The following ARSA variants were observed in gnomAD, a reference collection of about 807,000 sequenced individuals.
ARSA encodes the protein arylsulfatase A, also known as cerebroside-sulfatase.
Under a neutral mutation model 37.8 loss-of-function variants are expected in ARSA, and 32 were observed. That is an observed-to-expected ratio of 0.85 (90% CI 0.64 to 1.14). ARSA has a LOEUF of 1.14. Among genes scored for constraint, ARSA ranks in the 50% most tolerant of loss-of-function variants. The pLI, the probability that ARSA is intolerant of heterozygous loss-of-function variation, is 0.00. For missense variants in ARSA, 685 were observed against 686.3 expected, an observed-to-expected ratio of 1.00 and a Z score of 0.02; for synonymous variants, 303 against 303.4, an observed-to-expected ratio of 1.00 and a Z score of 0.01.
chr22:50,627,135 G>A lies in ARSA; in HGVS notation c.465+31C>T, dbSNP rs770479607. 1.9e-6 allele frequency: 3 copies of A among 1,597,764 alleles called. No homozygotes were observed. The South Asian group carries it at 3.3e-5, about 18-fold the overall frequency. Reference sequence around the variant, plus strand: ...AGGGCTGGGGGACTTTGGGAGGTGGGAGGGTGGCTGAGGGCCCGGGTGGTT... The same window carrying A: ...AGGGCTGGGGGACTTTGGGAGGTGGAAGGGTGGCTGAGGGCCCGGGTGGTT... On this transcript the variant is annotated intron_variant, in intron 2 of 7. Coordinates refer to ENST00000216124, the MANE Select transcript of ARSA (RefSeq NM_000487.6).
At position 50,627,678 on chromosome 22, in the gene ARSA, G is replaced by T; in HGVS notation, c.102C>A (p.Gly34=). Reference sequence around the variant, plus strand: ...GCCCATAGCAGCCCAGGTCCCCATAGCCGAGGTCGTCGGCAAAGATCAGCA... The same window carrying T: ...GCCCATAGCAGCCCAGGTCCCCATATCCGAGGTCGTCGGCAAAGATCAGCA... ...NIVLIFADDL[G]YGDLGCYGHP... The change falls in exon 1 of 8, where the codon GGC becomes GGA. Residue 34 remains glycine, a synonymous_variant. Coordinates refer to ENST00000216124, the MANE Select transcript of ARSA (RefSeq NM_000487.6). The T allele has an allele frequency of 6.4e-7, 1 of 1,558,118 alleles. No individual in the cohort carries two copies. Among genetic ancestry groups the T allele is most frequent in the Non-Finnish European group, 8.7e-7 (1 of 1,150,706 alleles).
intron 4 of ARSA, 141 bp downstream of exon 4, chr22:50,626,450 A>G: frequency 2.0e-6 from 3 of 1,481,918 alleles, no homozygotes; most frequent in Middle Eastern, 2.2e-4. Context: ...TCTCCTGACT[A>G]CACCTTGGGC....
rs5770953 is a variant in ARSA, at chr22:50,624,510, C to T, written c.*635G>A. ...GAGGGTGGAGGGGCCCCAGAGGAGC[C>T]GTCTCAGGGCCTGCTGCTGTGCCTT... On this transcript the variant is annotated 3_prime_UTR_variant, in exon 8 of 8. Coordinates refer to ENST00000216124, the MANE Select transcript of ARSA (RefSeq NM_000487.6). Among the ~76,000 whole-genome samples, 44,641 of 152,008 alleles carry T rather than the reference C, an allele frequency of 0.29. 7,163 individuals are homozygous for T. The highest frequency in any genetic ancestry group is 0.41 in the African/African-American group (17,176 of 41,440).
In ARSA at chr22:50,624,487, G is replaced by A. The variant is rs1301574500; in HGVS notation, c.*658C>T. On this transcript the variant is annotated 3_prime_UTR_variant, in exon 8 of 8. Coordinates refer to ENST00000216124, the MANE Select transcript of ARSA (RefSeq NM_000487.6). ...ACAGGTGAAATGCAGAGGCCTGGGA[G>A]GGTGGAGGGGCCCCAGAGGAGCCGT... 2.0e-5 allele frequency among the ~76,000 whole-genome samples: 3 copies of A among 152,164 alleles called. No individual in the cohort carries two copies. The East Asian group carries it at 5.8e-4, about 29-fold the overall frequency.
chr22:50,627,276 G>C lies in ARSA; in HGVS notation c.355C>G (p.Leu119Val), dbSNP rs1569081347. The C allele has an allele frequency of 2.5e-6, 4 of 1,594,420 alleles. No individual in the cohort carries two copies. In the African/African-American group the frequency reaches 4.0e-5, roughly 16 times the overall value. The change falls in exon 2 of 8, where the codon CTC becomes GTC. Residue 119 changes from leucine (L) to valine (V), a missense_variant. Transcript: ENST00000216124. ...VAEVLAARGY[L>V]TGMAGKWHLG... ...TGCCACTTGCCGGCCATTCCTGTGA[G>C]GTAGCCTCGGGCAGCCAGGACTTCG... is the stretch of plus-strand genomic sequence containing the variant.
Position 50,624,888 on chromosome 22 carries a change from A to T in ARSA, c.*257T>A. 4.0e-6 allele frequency: 2 copies of T among 503,110 alleles called. No individual in the cohort carries two copies. The highest frequency in any genetic ancestry group is 1.9e-5 in the African/African-American group (1 of 51,778). 31.2% of individuals were successfully genotyped at this position (503,110 alleles called of 1,614,324 possible). A position where few individuals can be genotyped will look rare whatever the true frequency, so the allele number is the denominator to read the frequency against. The stretch of plus-strand genomic sequence containing the variant: ...TTCCAGAGCCACGACACCAGGGTTC[A>T]AATCCCAGCCCAACCTCTTTCTGGC... On this transcript the variant is annotated 3_prime_UTR_variant, in exon 8 of 8. Transcript: ENST00000216124.
rs886057644 is a variant in ARSA, at chr22:50,623,516, T to G, written c.*1629A>C. Reference sequence around the variant, plus strand: ...GTGCAGTGGTACAATTATAGCTCACTACAGCCTCGACCTAGTGGGCTGAAG... The same window carrying G: ...GTGCAGTGGTACAATTATAGCTCACGACAGCCTCGACCTAGTGGGCTGAAG... On this transcript the variant is annotated 3_prime_UTR_variant, in exon 8 of 8. Transcript: ENST00000216124. 6.6e-6 allele frequency among the ~76,000 whole-genome samples: 1 copy of G among 152,152 alleles called. No individual in the cohort carries two copies. The highest frequency in any genetic ancestry group is 6.5e-5 in the Admixed American group (1 of 15,276).
At position 50,624,939 on chromosome 22, in the gene ARSA, C is replaced by A. The variant is rs1603444834; in HGVS notation, c.*206G>T. ...TGGGTGATCTTGTACAAGTCCTGAA[C>A]CTCTCTGCACCTCAGTTTCCTCATT... On this transcript the variant is annotated 3_prime_UTR_variant, in exon 8 of 8. Transcript: ENST00000216124. The A allele has an allele frequency of 3.2e-6, 2 of 632,192 alleles. No homozygotes were observed. Among genetic ancestry groups the A allele is most frequent in the East Asian group, 2.9e-5 (1 of 34,624 alleles). 39.2% of individuals were successfully genotyped at this position (632,192 alleles called of 1,614,324 possible).
In ARSA at chr22:50,628,044, G is replaced by A. The variant is rs1250302162; in HGVS notation, c.-265C>T. The A allele has an allele frequency of 9.7e-6, 5 of 516,570 alleles. No homozygotes were observed. In the East Asian group the frequency reaches 1.7e-4, roughly 17 times the overall value. The allele number at this position is 516,570 out of a possible 1,614,324, so 32.0% of individuals were successfully genotyped here. On this transcript the variant is annotated 5_prime_UTR_variant, in exon 1 of 8. Transcript: ENST00000216124. ...CTCCTCGCCTAGCGGTCCGGGCTCA[G>A]GGTCGGGGGCGTAAGTCACTTGGCG...
chr22:50,627,573 A>G lies in ARSA; in HGVS notation c.207T>C (p.Ser69=). 6.4e-7 allele frequency: 1 copy of G among 1,561,342 alleles called. No individual in the cohort carries two copies. Among genetic ancestry groups the G allele is most frequent in the Non-Finnish European group, 8.7e-7 (1 of 1,152,248 alleles). ...LRFTDFYVPV[S]LCTPSRAALL... ...CTCTTTACCTAGAGGGTGTGCACAG[A>G]GACACAGGCACGTAGAAGTCTGTGA... Residue 69 remains serine (S), a synonymous_variant, in exon 1 of 8, where the codon TCT becomes TCC. Transcript: ENST00000216124.
In ARSA at chr22:50,628,019, C is replaced by T; in HGVS notation, c.-240G>A. ...CAGATTCTCGAGCGGAGATCTGATC[C>T]TCCTCGCCTAGCGGTCCGGGCTCAG... On this transcript the variant is annotated 5_prime_UTR_variant, in exon 1 of 8. Transcript: ENST00000216124. 1 of 547,644 alleles carries T rather than the reference C, an allele frequency of 1.8e-6. No homozygotes were observed. Among genetic ancestry groups the T allele is most frequent in the East Asian group, 3.1e-5 (1 of 32,700 alleles). The allele number at this position is 547,644 out of a possible 1,614,324, so 33.9% of individuals were successfully genotyped here.
rs74315458 is a variant in ARSA at position 50,627,374 on chromosome 22, C to A, written c.257G>T (p.Arg86Leu). The A allele has an allele frequency of 6.2e-7, 1 of 1,604,648 alleles. No homozygotes were observed. Among genetic ancestry groups the A allele is most frequent in the Non-Finnish European group, 8.5e-7 (1 of 1,177,406 alleles). ...CAGGACGCCAGGGTACATGCCCATC[C>A]GAACCGGGAGCCGGCCGGTCAGGAG... ...AALLTGRLPV[R>L]MGMYPGVLVP... The change falls in exon 2 of 8, where the codon CGG becomes CTG. Residue 86 changes from arginine to leucine, a missense_variant. Physicochemically the swap from Arg to Leu is moderately radical, Grantham distance 102 (BLOSUM62 -2). Coordinates refer to ENST00000216124, the MANE Select transcript of ARSA (RefSeq NM_000487.6).
chr22:50,626,292 G>C lies in ARSA; in HGVS notation c.855-14C>G. On this transcript the variant is annotated splice_polypyrimidine_tract_variant and intron_variant, in intron 4 of 7. Coordinates refer to ENST00000216124, the MANE Select transcript of ARSA (RefSeq NM_000487.6). ...ATGGTCTCAGGTCTGGGACACAGGA[G>C]GCGCTCATGAGCCATGGAGCCACAG... 1 of 1,610,002 alleles carries C rather than the reference G, an allele frequency of 6.2e-7. No homozygotes were observed. Among genetic ancestry groups the C allele is most frequent in the South Asian group, 1.1e-5 (1 of 90,838 alleles).
chr22:50,625,955 A>G lies in ARSA; in HGVS notation c.1088T>C (p.Leu363Pro). The G allele has an allele frequency of 6.4e-7, 1 of 1,572,956 alleles. No individual in the cohort carries two copies. The highest frequency in any genetic ancestry group is 8.6e-7 in the Non-Finnish European group (1 of 1,159,730). ...VTLDGFDLSP[L>P]LLGTGKSPRQ... ...CCCTACCTTGCCTGTGCCCAGCAGC[A>G]GGGGGCTGAGGTCAAAGCCATCCAA... Residue 363 changes from leucine to proline, a missense_variant, in exon 6 of 8, where the codon CTG (leucine) becomes CCG (proline). Physicochemically the swap from Leu to Pro is moderately conservative, Grantham distance 98. Coordinates refer to ENST00000216124, the MANE Select transcript of ARSA (RefSeq NM_000487.6).
Position 50,625,366 on chromosome 22 carries a change from G to A in ARSA, c.1309C>T (p.Pro437Ser), listed in dbSNP as rs777133139. Residue 437 changes from proline to serine, a missense_variant, in exon 8 of 8, where the codon CCT becomes TCT. Transcript: ENST00000216124. ...CCCAGCAGGTTGTAGTTCTCACCAG[G>A]GTCCTTGGACAGGTCATAGAGCAGC... ...PPLLYDLSKDPGENYNLLGGV... is the reference protein window; with the variant it reads ...PPLLYDLSKDSGENYNLLGGV... The A allele has an allele frequency of 1.2e-6, 2 of 1,609,258 alleles. No homozygotes were observed. Among genetic ancestry groups the A allele is most frequent in the Non-Finnish European group, 1.7e-6 (2 of 1,177,380 alleles).
chr22:50,625,068 C>G lies in ARSA; in HGVS notation c.*77G>C. The G allele has an allele frequency of 7.0e-7, 1 of 1,420,484 alleles. No homozygotes were observed. The highest frequency in any genetic ancestry group is 9.2e-7 in the Non-Finnish European group (1 of 1,081,826). 88.0% of individuals were successfully genotyped at this position (1,420,484 alleles called of 1,614,324 possible). On this transcript the variant is annotated 3_prime_UTR_variant, in exon 8 of 8. Coordinates refer to ENST00000216124, the MANE Select transcript of ARSA (RefSeq NM_000487.6). ...GTGTTATTACGTTATCAGGCACAAA[C>G]CCCCTCCAGACACCTGAGCCTCCCC...
In ARSA at chr22:50,625,234, G is replaced by A. The variant is rs747443475; in HGVS notation, c.1441C>T (p.Arg481Trp). 65 of 1,610,648 alleles carry A rather than the reference G, an allele frequency of 4.0e-5. No homozygotes were observed. The highest frequency in any genetic ancestry group is 5.1e-5 in the Non-Finnish European group (60 of 1,178,644). Residue 481 changes from arginine (R) to tryptophan (W), a missense_variant, in exon 8 of 8, where the codon CGG (arginine) becomes TGG (tryptophan). Coordinates refer to ENST00000216124, the MANE Select transcript of ARSA (RefSeq NM_000487.6). ...ATCTGCAGGGCGGGGTCCTCGCCCC[G>A]GGCCACCTGGCTGGGGCCGAAGGTC... ...AVTFGPSQVARGEDPALQICC... is the reference protein window; with the variant it reads ...AVTFGPSQVAWGEDPALQICC...
chr22:50,625,931 C>G lies in ARSA; in HGVS notation c.1107+5G>C. The G allele has an allele frequency of 6.4e-7, 1 of 1,570,172 alleles. No homozygotes were observed. The highest frequency in any genetic ancestry group is 8.6e-7 in the Non-Finnish European group (1 of 1,158,168). ...GGATCTGGGATCAGGGGTCACCGGCCCTACCTTGCCTGTGCCCAGCAGCAG... is the reference window on the plus strand; with the variant it reads ...GGATCTGGGATCAGGGGTCACCGGCGCTACCTTGCCTGTGCCCAGCAGCAG... On this transcript the variant is annotated splice_donor_5th_base_variant and intron_variant, in intron 6 of 7. Transcript: ENST00000216124.
In ARSA at chr22:50,624,628, G is replaced by C. The variant is rs994225202; in HGVS notation, c.*517C>G. Among the ~76,000 whole-genome samples the C allele has an allele frequency of 1.2e-4, 19 of 152,148 alleles. No individual in the cohort carries two copies. Among genetic ancestry groups the C allele is most frequent in the Non-Finnish European group, 2.5e-4 (17 of 68,008 alleles). The stretch of plus-strand genomic sequence containing the variant: ...CAGACAGGTTTCTTATAAGAACCAA[G>C]GAGGTCCAGTGCCTGTGTCTCTAAG... On this transcript the variant is annotated 3_prime_UTR_variant, in exon 8 of 8. Transcript: ENST00000216124.
Sources: gnomAD v4.1 joint callset for allele counts (sites outside exome capture counted in the v4.1 genomes callset) on GRCh38, gnomAD v4.1.1 for gene constraint, MANE v1.5 for transcripts, NCBI Gene and HGNC (gene_info 2026-07-23, HGNC 2026-07-21) for gene names.